SORCS3: variants seen among roughly 807,000 people sequenced by gnomAD.
The protein encoded by SORCS3 is sortilin related VPS10 domain containing receptor 3.
SORCS3 carries 57 observed loss-of-function variants against 146.3 expected under a neutral mutation model. That is an observed-to-expected ratio of 0.39 (90% confidence interval 0.31 to 0.49). SORCS3 has a LOEUF of 0.49. SORCS3 is among the 20% of genes least tolerant of loss of function. The pLI is 0.92. For synonymous variants in SORCS3, 653 were observed against 618.5 expected, an observed-to-expected ratio of 1.06 and a Z score of -0.83; for missense variants, 1,341 against 1,575.5, an observed-to-expected ratio of 0.85 and a Z score of 2.52.
chr10:104,899,536 A>G (rs2018830758), intron 2 of SORCS3, among the ~76,000 whole-genome samples: 1 of 152,160 alleles, frequency 6.6e-6, no homozygotes, highest in Admixed American at 6.5e-5. Context: ...AGAAAGCTGC[A>G]CCTAACTTTT....
intron 2 of SORCS3, among the ~76,000 whole-genome samples, chr10:104,900,415 C>G (rs1443754190): frequency 6.6e-6 from 1 of 152,168 alleles, no homozygotes; most frequent in Non-Finnish European, 1.5e-5. Context: ...GTCTTTCTAC[C>G]TCTGGAGCAT....
At chr10:105,013,668 G>A (rs1189900672) in intron 4 of SORCS3, among the ~76,000 whole-genome samples, 1 of 151,978 alleles carries the variant, frequency 6.6e-6, no homozygotes, top group Non-Finnish European at 1.5e-5. Flanking sequence ...ACTCTTAAAA[G>A]ATACTAAGGA....
At chr10:105,235,458 GT>G (rs2119701099) in intron 20 of SORCS3, among the ~76,000 whole-genome samples, 1 of 151,268 alleles carries the variant, frequency 6.6e-6, no homozygotes, top group East Asian at 1.9e-4. Context: ...GTGTGTGTGT[GT>G]GTGTGTGTGT....
chr10:105,139,622 G>A (rs1484792156), intron 8 of SORCS3, 136 bp downstream of exon 8: 8 of 634,640 alleles, frequency 1.3e-5, no homozygotes, highest in East Asian at 5.4e-5. Context: ...CCACCAAGTC[G>A]TTTGGCCTCC....
chr10:104,686,940 T>G (rs2016051279), intron 1 of SORCS3, among the ~76,000 whole-genome samples: 1 of 123,452 alleles, frequency 8.1e-6, no homozygotes, highest in Non-Finnish European at 1.9e-5. Flanking sequence ...CATCCATCCA[T>G]CCATCTATGT....
chr10:104,916,743 T>A (rs2019032469), intron 3 of SORCS3, among the ~76,000 whole-genome samples: 1 of 152,130 alleles, frequency 6.6e-6, no homozygotes. Flanking sequence ...ATATTAAAGG[T>A]CATTTTAATA....
intron 3 of SORCS3, among the ~76,000 whole-genome samples, chr10:104,967,948 C>A (rs1239276185): frequency 2.6e-5 from 4 of 152,010 alleles, no homozygotes; most frequent in African/African-American, 7.3e-5. Context: ...GTGTGAGCCA[C>A]CATACCTGGC....
intron 26 of SORCS3, among the ~76,000 whole-genome samples, chr10:105,262,803 TACATGA>T (rs1221484324): frequency 6.6e-6 from 1 of 152,240 alleles, no homozygotes; most frequent in Admixed American, 6.5e-5. Flanking sequence ...TACTAATGAT[TACATGA>T]ATGTGGAATC....
chr10:105,105,474 A>T lies in SORCS3; in HGVS notation c.1171A>T (p.Ile391Phe), dbSNP rs1424726368. Reference sequence around the variant, plus strand: ...TGGGCCTTTTGCCCGCTCCATTGACATCAGTTCCCTGGTTGTCCAGGATGA... The same window carrying T: ...TGGGCCTTTTGCCCGCTCCATTGACTTCAGTTCCCTGGTTGTCCAGGATGA... ...RSGPFARSIDISSLVVQDEYI... is the reference protein window; with the variant it reads ...RSGPFARSIDFSSLVVQDEYI... Residue 391 changes from isoleucine to phenylalanine, a missense_variant, in exon 7 of 27, where the codon ATC (isoleucine) becomes TTC (phenylalanine). Transcript: ENST00000369701. The T allele has an allele frequency of 6.2e-7, 1 of 1,613,656 alleles. No individual in the cohort carries two copies. Among genetic ancestry groups the T allele is most frequent in the Admixed American group, 1.7e-5 (1 of 60,004 alleles).
chr10:104,751,789 G>C (rs553121489), intron 1 of SORCS3, among the ~76,000 whole-genome samples: 4 of 151,312 alleles, frequency 2.6e-5, no homozygotes, highest in Non-Finnish European at 5.9e-5. Context: ...ATATGAGGAG[G>C]GAAATGGAGG....
At chr10:104,890,612 A>C (rs1476670734) in intron 2 of SORCS3, among the ~76,000 whole-genome samples, 1 of 152,138 alleles carries the variant, frequency 6.6e-6, no homozygotes, top group African/African-American at 2.4e-5. Context: ...TTGTGGAATA[A>C]AGTTAAAATA....
chr10:104,995,967 G>A (rs1004225866), intron 4 of SORCS3, among the ~76,000 whole-genome samples: 4 of 152,100 alleles, frequency 2.6e-5, no homozygotes, highest in Non-Finnish European at 5.9e-5. Context: ...TATGATTATT[G>A]CATATGGATA....
intron 1 of SORCS3, among the ~76,000 whole-genome samples, chr10:104,810,191 G>GT (rs902272194): frequency 5.3e-5 from 8 of 152,112 alleles, no homozygotes; most frequent in Admixed American, 1.3e-4. Flanking sequence ...TTTTATAATA[G>GT]TTTTTTTCTG....
At chr10:105,060,544 G>T (rs959060158) in intron 5 of SORCS3, among the ~76,000 whole-genome samples, 3 of 152,146 alleles carry the variant, frequency 2.0e-5, no homozygotes, top group Admixed American at 2.0e-4. Flanking sequence ...AGCTGGGGAC[G>T]AGGTGGCCAA....
At chr10:104,725,631 G>C (rs975112827) in intron 1 of SORCS3, among the ~76,000 whole-genome samples, 1 of 152,210 alleles carries the variant, frequency 6.6e-6, no homozygotes, top group Non-Finnish European at 1.5e-5. Context: ...CACCCAGTTC[G>C]AGCTCCCTGG....
At chr10:104,705,776 C>A (rs980624854) in intron 1 of SORCS3, among the ~76,000 whole-genome samples, 2 of 152,118 alleles carry the variant, frequency 1.3e-5, no homozygotes, top group African/African-American at 2.4e-5. Context: ...GTTAAGGGAG[C>A]AACATAGATT....
At chr10:105,118,891 T>A (rs2133763447) in intron 7 of SORCS3, among the ~76,000 whole-genome samples, 1 of 152,284 alleles carries the variant, frequency 6.6e-6, no homozygotes, top group South Asian at 2.1e-4. Flanking sequence ...ATATGCAGTC[T>A]GATGATGTGA....
chr10:104,679,820 T>C (rs919501078), intron 1 of SORCS3, among the ~76,000 whole-genome samples: 6 of 152,254 alleles, frequency 3.9e-5, no homozygotes, highest in African/African-American at 1.4e-4. Context: ...TTCAATTTTA[T>C]ATAGCCCACA....
rs201821935 is a variant in SORCS3 at position 105,200,108 on chromosome 10, C to T, written c.2119C>T (p.Leu707Phe). 1.5e-4 allele frequency: 237 copies of T among 1,612,004 alleles called. No individual in the cohort carries two copies. The highest frequency in any genetic ancestry group is 1.9e-4 in the Non-Finnish European group (229 of 1,178,374). The change falls in exon 15 of 27, where the codon CTC becomes TTC. Residue 707 changes from leucine to phenylalanine, a missense_variant. Physicochemically the swap from Leu to Phe is conservative, Grantham distance 22. Transcript: ENST00000369701. ...GGAGGACTATCAGACCTGGCACCTGCTCAATCAGGTACACACCCCAGGGAG... is the reference window on the plus strand; with the variant it reads ...GGAGGACTATCAGACCTGGCACCTGTTCAATCAGGTACACACCCCAGGGAG... ...TKEDYQTWHL[L>F]NQGEPCVMGE...
Sources: gnomAD v4.1 joint callset for allele counts (sites outside exome capture counted in the v4.1 genomes callset) on GRCh38, gnomAD v4.1.1 for gene constraint, MANE v1.5 for transcripts, NCBI Gene and HGNC (gene_info 2026-07-23, HGNC 2026-07-21) for gene names.